Variants in TCF20 observed in about 807,000 individuals in gnomAD.
The protein encoded by TCF20 is SPRE-binding protein.
TCF20 carries 3 observed loss-of-function variants against 148.6 expected under a neutral mutation model. The observed-to-expected ratio is 0.02, with a 90% confidence interval of 0.01 to 0.05. The LOEUF (loss-of-function observed/expected upper bound fraction) is 0.05. Ranked by LOEUF, TCF20 falls within the 10% of genes least tolerant of loss-of-function variation. TCF20 has a pLI of 1.00. For missense variants in TCF20, 2,350 were observed against 2,429.3 expected (o/e 0.97, Z 0.69); for synonymous variants, 1,049 against 909.5 (o/e 1.15, Z -2.76).
intron 1 of TCF20, among the ~76,000 whole-genome samples, chr22:42,228,533 G>A (rs1381186536): frequency 6.6e-6 from 1 of 152,168 alleles, no homozygotes; most frequent in Non-Finnish European, 1.5e-5. Flanking sequence ...CTGAGCTTAG[G>A]CAGTGACTGG....
intron 1 of TCF20, among the ~76,000 whole-genome samples, chr22:42,326,628 G>A (rs976398153): frequency 2.0e-5 from 3 of 152,190 alleles, no homozygotes; most frequent in Non-Finnish European, 2.9e-5. Context: ...GCCAGGTACA[G>A]GCTCAGCCCT....
intron 1 of TCF20, among the ~76,000 whole-genome samples, chr22:42,295,662 A>G (rs1467724597): frequency 6.7e-6 from 1 of 149,884 alleles, no homozygotes; most frequent in Non-Finnish European, 1.5e-5. Flanking sequence ...CTAGTCTCGA[A>G]CTCCTAACCT....
At position 42,254,959 on chromosome 22, in the gene TCF20, C is replaced by CAAAAAAAAAAAAAAAAAAAA. The variant is rs10625678; in HGVS notation, c.-37+15360_-37+15379dup. ...TGGGTGACACAGCAAGACTCCGTCT[C>CAAAAAAAAAAAAAAAAAAAA]AAAAAAAAAAAAAAAAAAAAGGTAG... On this transcript the variant is annotated intron_variant, in intron 1 of 5. Coordinates refer to ENST00000677622, the MANE Select transcript of TCF20 (RefSeq NM_001378418.1). 3.8e-4 allele frequency among the ~76,000 whole-genome samples: 24 copies of CAAAAAAAAAAAAAAAAAAAA among 62,798 alleles called. 2 individuals are homozygous for CAAAAAAAAAAAAAAAAAAAA. Among genetic ancestry groups the CAAAAAAAAAAAAAAAAAAAA allele is most frequent in the African/African-American group, 2.1e-3 (22 of 10,444 alleles). 41.2% of individuals were successfully genotyped at this position (62,798 alleles called of 152,430 possible). A position where few individuals can be genotyped will look rare whatever the true frequency, so the allele number is the denominator to read the frequency against.
At chr22:42,329,417 G>A (rs1427672427) in intron 1 of TCF20, among the ~76,000 whole-genome samples, 2 of 152,238 alleles carry the variant, frequency 1.3e-5, no homozygotes. Context: ...ACTCGCCTCT[G>A]CAGGAGGAAG....
upstream of TCF20, chr22:42,274,800 G>A (rs1381685906): frequency 6.6e-6 from 1 of 152,156 alleles, no homozygotes; most frequent in African/African-American, 2.4e-5. Context: ...GCTTCTCTTG[G>A]GTCTCCGGCA....
In TCF20 at chr22:42,168,637, G is replaced by C. The variant is rs369800055; in HGVS notation, c.*16C>G. 1 of 1,593,840 alleles carries C rather than the reference G, an allele frequency of 6.3e-7. No individual in the cohort carries two copies. The highest frequency in any genetic ancestry group is 1.1e-5 in the South Asian group (1 of 88,532). ...TGCTTGCTGTCCTTTCCATTCCCAC[G>C]AGCACACTGCCCCCCTCACCCCCGC... is the stretch of plus-strand genomic sequence containing the variant. On this transcript the variant is annotated 3_prime_UTR_variant, in exon 5 of 6. Transcript: ENST00000677622.
chr22:42,303,115 C>T (rs937922694), intron 1 of TCF20, among the ~76,000 whole-genome samples: 2 of 152,112 alleles, frequency 1.3e-5, no homozygotes, highest in South Asian at 4.1e-4. Flanking sequence ...TTTTTAGTAG[C>T]GACGGGGTTT....
rs548149391 is a variant in TCF20, at chr22:42,207,755, C to T, written c.5655+1896G>A. Among the ~76,000 whole-genome samples the T allele has an allele frequency of 3.9e-5, 6 of 152,224 alleles. No individual in the cohort carries two copies. In the East Asian group the frequency reaches 5.8e-4, roughly 15 times the overall value. ...GCTTGAACCTGGGAAGCGGAGGTTG[C>T]GGTGAGCTGAGATTGCGCCATTGCA... On this transcript the variant is annotated intron_variant, in intron 2 of 5. Coordinates refer to ENST00000677622, the MANE Select transcript of TCF20 (RefSeq NM_001378418.1).
At chr22:42,181,778 T>C (rs924065261) in intron 2 of TCF20, among the ~76,000 whole-genome samples, 3 of 151,970 alleles carry the variant, frequency 2.0e-5, no homozygotes, top group Admixed American at 2.0e-4. Context: ...TCCAGCTTTT[T>C]CAAAAAATGT....
chr22:42,273,283 C>T (rs555154156), upstream of TCF20, among the ~76,000 whole-genome samples: 12 of 140,958 alleles, frequency 8.5e-5, no homozygotes, highest in South Asian at 2.8e-3. Context: ...TCGCCTGAAC[C>T]CTGGAGGCAA....
At chr22:42,289,394 A>G (rs2147024620) in intron 1 of TCF20, among the ~76,000 whole-genome samples, 1 of 152,314 alleles carries the variant, frequency 6.6e-6, no homozygotes, top group South Asian at 2.1e-4. Flanking sequence ...TGCTGAACTC[A>G]GGTTCTTAGT....
chr22:42,172,345 G>C (rs1032723806), intron 3 of TCF20, among the ~76,000 whole-genome samples: 3 of 152,204 alleles, frequency 2.0e-5, no homozygotes, highest in Non-Finnish European at 4.4e-5. Context: ...CCTCTTCTGA[G>C]GACTCTGAAC....
rs1601495298 is a variant in TCF20, at chr22:42,161,242, T to C, written c.*161A>G. On this transcript the variant is annotated 3_prime_UTR_variant, in exon 6 of 6. Transcript: ENST00000677622. ...GTGATGTGAGAACTTAAGGAAGTGCTGGCATGGGCAGGCACGCGGGCGGGG... is the reference window on the plus strand; with the variant it reads ...GTGATGTGAGAACTTAAGGAAGTGCCGGCATGGGCAGGCACGCGGGCGGGG... 4.4e-6 allele frequency: 6 copies of C among 1,359,520 alleles called. No individual in the cohort carries two copies. Among genetic ancestry groups the C allele is most frequent in the Non-Finnish European group, 5.9e-6 (6 of 1,008,776 alleles). The allele number at this position is 1,359,520 out of a possible 1,614,324, so 84.2% of individuals were successfully genotyped here. A position where few individuals can be genotyped will look rare whatever the true frequency, so the allele number is the denominator to read the frequency against.
At chr22:42,253,967 T>G (rs978930522) in intron 1 of TCF20, among the ~76,000 whole-genome samples, 5 of 151,684 alleles carry the variant, frequency 3.3e-5, no homozygotes, top group Non-Finnish European at 7.4e-5. Context: ...TCTCAGCTAC[T>G]TGGGAGGCTG....
intron 1 of TCF20, among the ~76,000 whole-genome samples, chr22:42,328,973 C>T (rs1927922364): frequency 6.6e-6 from 1 of 152,228 alleles, no homozygotes; most frequent in Non-Finnish European, 1.5e-5. Flanking sequence ...TGACCCCAGG[C>T]CCAGGCCGGC....
intron 1 of TCF20, among the ~76,000 whole-genome samples, chr22:42,262,525 G>A (rs1234193725): frequency 6.6e-6 from 1 of 152,220 alleles, no homozygotes; most frequent in African/African-American, 2.4e-5. Flanking sequence ...TGGTCAAGCC[G>A]CTGTGTCGAG....
chr22:42,236,022 T>C (rs1468415632), intron 1 of TCF20, among the ~76,000 whole-genome samples: 10 of 152,036 alleles, frequency 6.6e-5, no homozygotes, highest in African/African-American at 2.4e-4. Flanking sequence ...GGTGAAACCC[T>C]GTCTCTACCA....
chr22:42,296,405 T>TG (rs1337852270), intron 1 of TCF20, among the ~76,000 whole-genome samples: 1 of 152,178 alleles, frequency 6.6e-6, no homozygotes, highest in African/African-American at 2.4e-5. Flanking sequence ...GGCGCCAACT[T>TG]GGGGGTGGTG....
intron 1 of TCF20, among the ~76,000 whole-genome samples, chr22:42,216,758 C>A (rs1275075485): frequency 2.0e-5 from 3 of 152,208 alleles, no homozygotes; most frequent in Non-Finnish European, 4.4e-5. Context: ...AATAGGAATT[C>A]ATCAAGCCTA....
Sources: allele counts gnomAD v4.1 joint callset (sites outside exome capture counted in the v4.1 genomes callset), GRCh38; gene constraint gnomAD v4.1.1; transcripts MANE v1.5; gene names NCBI Gene and HGNC (gene_info 2026-07-23, HGNC 2026-07-21).